SERAC1: variants seen among roughly 807,000 people sequenced by gnomAD.
SERAC1 encodes the protein protein SERAC1.
In SERAC1, 36 loss-of-function variants were observed where a neutral mutation model predicts 85.7. The observed-to-expected ratio is 0.42, with a 90% CI of 0.32 to 0.55. The LOEUF (loss-of-function observed/expected upper bound fraction) is 0.55, where lower values mean the gene tolerates loss of function less well. Ranked by LOEUF, SERAC1 falls within the 20% of genes least tolerant of loss-of-function variation. The pLI, the probability that SERAC1 is intolerant of heterozygous loss-of-function variation, is 0.11. For missense variants in SERAC1, 629 were observed against 796.2 expected (o/e 0.79, Z 2.53); for synonymous variants, 242 against 265.3 (o/e 0.91, Z 0.85).
intron 1 of SERAC1, among the ~76,000 whole-genome samples, chr6:158,167,297 G>C (rs1193805110): frequency 6.7e-6 from 1 of 148,990 alleles, no homozygotes; most frequent in East Asian, 2.0e-4. Context: ...GCAGCACTCT[G>C]GGAGGCCGAG....
intron 10 of SERAC1, among the ~76,000 whole-genome samples, chr6:158,123,034 T>C (rs1784457405): frequency 6.6e-6 from 1 of 152,044 alleles, no homozygotes; most frequent in South Asian, 2.1e-4. Flanking sequence ...GATACTAAGA[T>C]TGATACAAAA....
chr6:158,130,150 TTAAA>T (rs1253003237), intron 9 of SERAC1, among the ~76,000 whole-genome samples: 1 of 152,228 alleles, frequency 6.6e-6, no homozygotes. Context: ...TTTTAGGCAA[TTAAA>T]TAAATTTTTA....
In SERAC1 at chr6:158,164,392, G is replaced by A. The variant is rs560464546; in HGVS notation, c.-2+3748C>T. On this transcript the variant is annotated intron_variant, in intron 1 of 16. Coordinates refer to ENST00000647468, the MANE Select transcript of SERAC1 (RefSeq NM_032861.4). ...CAGGAGGCTGAGGCAGGAGAATGGC[G>A]TGAAACTAGGAGGTGCAGCTTGCAG... is the stretch of plus-strand genomic sequence containing the variant. Among the ~76,000 whole-genome samples, 21 of 152,082 alleles carry A rather than the reference G, an allele frequency of 1.4e-4. 1 individual carries two copies. The highest frequency in any genetic ancestry group is 2.0e-4 in the East Asian group (1 of 5,120).
intron 10 of SERAC1, among the ~76,000 whole-genome samples, chr6:158,121,720 AAATAAG>A (rs1317052923): frequency 4.0e-5 from 6 of 150,972 alleles, no homozygotes; most frequent in Non-Finnish European, 7.4e-5. Flanking sequence ...TAAAATAATA[AAATAAG>A]AATATTTAAA....
rs1193367751 is a variant in SERAC1 at position 158,110,662 on chromosome 6, A to G, written c.*704T>C. 1.3e-5 allele frequency: 2 copies of G among 152,346 alleles called. No homozygotes were observed. Among genetic ancestry groups the G allele is most frequent in the African/African-American group, 4.8e-5 (2 of 41,586 alleles). The allele number at this position is 152,346 out of a possible 1,614,324, so 9.4% of individuals were successfully genotyped here. A position where few individuals can be genotyped will look rare whatever the true frequency, so the allele number is the denominator to read the frequency against. On this transcript the variant is annotated 3_prime_UTR_variant, in exon 17 of 17. Transcript: ENST00000647468. ...AATAGTTTTACTTCATACTGTGATC[A>G]ATAATGGATTAGCTACTTTATCCTT...
At chr6:158,147,000 A>G in intron 5 of SERAC1, 87 bp from the exon 6 acceptor site, 12 of 1,375,452 alleles carry the variant, frequency 8.7e-6, no homozygotes, top group Non-Finnish European at 1.0e-5. Context: ...ATAAACACTG[A>G]AATCTACAAT....
intron 3 of SERAC1, among the ~76,000 whole-genome samples, chr6:158,154,990 G>T (rs1785294904): frequency 6.6e-6 from 1 of 152,104 alleles, no homozygotes; most frequent in African/African-American, 2.4e-5. Flanking sequence ...ATTTAAGCCT[G>T]CCGGAGCTGA....
chr6:158,150,850 A>G (rs1290529982), intron 3 of SERAC1, among the ~76,000 whole-genome samples: 1 of 152,238 alleles, frequency 6.6e-6, no homozygotes, highest in Non-Finnish European at 1.5e-5. Context: ...CTGAGTAGCC[A>G]TCGTAACACA....
intron 14 of SERAC1, 60 bp from the exon 15 acceptor site, chr6:158,115,031 T>TA (rs1257505542): frequency 7.9e-6 from 12 of 1,516,508 alleles, no homozygotes; most frequent in Admixed American, 2.2e-5. Flanking sequence ...TTTATTACTG[T>TA]AAAAAAAGAA....
intron 9 of SERAC1, 123 bp downstream of exon 9, chr6:158,130,250 A>T: frequency 2.1e-6 from 1 of 480,266 alleles, no homozygotes; most frequent in Non-Finnish European, 3.6e-6. Context: ...GCAGAAATTT[A>T]AAAATAAGTG....
At chr6:158,118,970 A>C in intron 12 of SERAC1, 59 bp downstream of exon 12, 1 of 1,563,184 alleles carries the variant, frequency 6.4e-7, no homozygotes. Flanking sequence ...GCAAGCCACA[A>C]TCAGGGCCCC....
chr6:158,143,331 CTCTCTCTCTCTCTCTCTATA>C (rs1370223429), intron 7 of SERAC1, 147 bp from the exon 8 acceptor site: 32 of 200,140 alleles, frequency 1.6e-4, no homozygotes, highest in African/African-American at 9.7e-4. Context: ...CTCTCTCTCT[CTCTCTCTCTCTCTCTCTATA>C]TATATATATA....
chr6:158,165,317 A>G (rs4610592), intron 1 of SERAC1, among the ~76,000 whole-genome samples: 48,352 of 151,822 alleles, frequency 0.32, 8,077 homozygotes, highest in Admixed American at 0.45. Context: ...CACCACGCCC[A>G]GCTATTTTTT....
At position 158,130,360 on chromosome 6, in the gene SERAC1, A is replaced by G. The variant is rs766449711; in HGVS notation, c.852+13T>C. The G allele has an allele frequency of 2.1e-6, 3 of 1,407,708 alleles. No individual in the cohort carries two copies. The highest frequency in any genetic ancestry group is 2.9e-6 in the Non-Finnish European group (3 of 1,041,396). The allele number at this position is 1,407,708 out of a possible 1,614,324, so 87.2% of individuals were successfully genotyped here. ...TCATAAAAAGTAAACTACATTTTGA[A>G]AATGTAAATTACCTCAGAATGTTTT... On this transcript the variant is annotated intron_variant, in intron 9 of 16. Transcript: ENST00000647468.
intron 8 of SERAC1, among the ~76,000 whole-genome samples, chr6:158,142,764 T>G (rs1784948631): frequency 1.3e-5 from 2 of 152,186 alleles, no homozygotes; most frequent in African/African-American, 4.8e-5. Flanking sequence ...CATGAGCCAC[T>G]GCGCCCGGCC....
chr6:158,116,562 G>A (rs558756257), intron 13 of SERAC1: 133 of 336,466 alleles, frequency 4.0e-4, no homozygotes, highest in Admixed American at 8.4e-4. Context: ...TCCTGAAATC[G>A]TTAATTCTCT....
intron 1 of SERAC1, chr6:158,161,289 AGAGGAATTGCTTGAGCCTG>A (rs1366842816): frequency 8.5e-5 from 13 of 152,048 alleles, no homozygotes; most frequent in Admixed American, 8.5e-4. Flanking sequence ...AGGCTGAGGC[AGAGGAATTGCTTGAGCCTG>A]GGAGACAGAG....
At chr6:158,142,959 T>C (rs991940371) in intron 8 of SERAC1, 97 bp downstream of exon 8, 1 of 955,240 alleles carries the variant, frequency 1.0e-6, no homozygotes, top group African/African-American at 1.6e-5. Context: ...GAAGTTAGCA[T>C]GTTTACTCAG....
At position 158,117,374 on chromosome 6, in the gene SERAC1, C is replaced by CTCTT. The variant is rs1784313607; in HGVS notation, c.1403+349_1403+352dup. On this transcript the variant is annotated intron_variant, in intron 13 of 16. Transcript: ENST00000647468. The surrounding 1 kb of genome is among the most constrained non-coding windows in gnomAD (Gnocchi z 4.3). ...GCAGCTGATATTTCTCAGCATCTTT[C>CTCTT]TCTTTGCTTCCTTTAGCCAGTATGA... 8.2e-6 allele frequency: 6 copies of CTCTT among 735,946 alleles called. No individual in the cohort carries two copies. In the East Asian group the frequency reaches 1.4e-4, roughly 17 times the overall value. 45.6% of individuals were successfully genotyped at this position (735,946 alleles called of 1,614,324 possible).
Sources: allele counts gnomAD v4.1 joint callset (sites outside exome capture counted in the v4.1 genomes callset), GRCh38; gene constraint gnomAD v4.1.1; non-coding constraint Gnocchi (gnomAD v3.1); transcripts MANE v1.5; gene names NCBI Gene and HGNC (gene_info 2026-07-23, HGNC 2026-07-21).